FAM83D: variants seen among roughly 807,000 people sequenced by gnomAD.
FAM83D encodes protein FAM83D.
A neutral mutation model predicts 25.4 loss-of-function variants in FAM83D; 26 were observed. That is an observed-to-expected ratio of 1.02 (90% CI 0.75 to 1.42). The LOEUF (loss-of-function observed/expected upper bound fraction) is 1.42, where lower values mean the gene tolerates loss of function less well. Among genes scored for constraint, FAM83D ranks in the 40% most tolerant of loss-of-function variants. The probability of loss-of-function intolerance (pLI) is 0.00; values close to 1 mark genes in which losing one functional copy is unlikely to be tolerated. For synonymous variants in FAM83D, 310 were observed against 318.5 expected (o/e 0.97, Z 0.28); for missense variants, 740 against 758.1 (o/e 0.98, Z 0.28).
At chr20:38,943,381 G>T (rs540577370) in intron 2 of FAM83D, among the ~76,000 whole-genome samples, 1 of 152,244 alleles carries the variant, frequency 6.6e-6, no homozygotes, top group African/African-American at 2.4e-5. Flanking sequence ...CCCCTATCAG[G>T]TAAGTGGCAC....
At chr20:38,941,574 G>A (rs1267696708) in intron 1 of FAM83D, among the ~76,000 whole-genome samples, 2 of 152,238 alleles carry the variant, frequency 1.3e-5, no homozygotes, top group Admixed American at 1.3e-4. Context: ...AAAGATGACA[G>A]TGTGTTACCC....
chr20:38,931,503 G>T (rs1285996262), intron 1 of FAM83D, among the ~76,000 whole-genome samples: 1 of 152,210 alleles, frequency 6.6e-6, no homozygotes, highest in East Asian at 1.9e-4. Context: ...AATGCCACAT[G>T]AAGGGTCCCA....
At chr20:38,927,377 A>C (rs956745028) in intron 1 of FAM83D, among the ~76,000 whole-genome samples, 2 of 152,176 alleles carry the variant, frequency 1.3e-5, no homozygotes, top group Non-Finnish European at 1.5e-5. Context: ...GTCTCCAGAG[A>C]CAACTACGGG....
chr20:38,933,503 G>T (rs1337469167), intron 1 of FAM83D, among the ~76,000 whole-genome samples: 2 of 152,226 alleles, frequency 1.3e-5, no homozygotes, highest in Non-Finnish European at 2.9e-5. Context: ...CACTGGCCTA[G>T]AAGTTCTCAC....
At chr20:38,951,152 A>G (rs560888618) in intron 3 of FAM83D, among the ~76,000 whole-genome samples, 8 of 152,184 alleles carry the variant, frequency 5.3e-5, no homozygotes, top group Non-Finnish European at 1.2e-4. Flanking sequence ...ACTCTGAGGC[A>G]AGGACCAGGT....
chr20:38,926,997 G>C, intron 1 of FAM83D, 72 bp downstream of exon 1: 6 of 1,402,578 alleles, frequency 4.3e-6, no homozygotes, highest in Non-Finnish European at 5.5e-6. Context: ...GGCCTGCTGG[G>C]AGTACGGGCC....
chr20:38,948,974 G>A (rs2085741301), intron 3 of FAM83D, among the ~76,000 whole-genome samples: 1 of 152,120 alleles, frequency 6.6e-6, no homozygotes, highest in Admixed American at 6.5e-5. Flanking sequence ...AAAAAAATTT[G>A]TTTTTAACCT....
chr20:38,952,400 G>A lies in FAM83D; in HGVS notation c.1638G>A (p.Leu546=). The change falls in exon 4 of 4, where the codon CTG becomes CTA. Residue 546 remains leucine (L), a synonymous_variant. Transcript: ENST00000619850. ...AGIRSRLNHM[L]AMLSRRTLFT... is the part of the protein sequence containing the mutation. ...TCAGGTCCCGGCTCAACCACATGCTGGCTATGCTGTCAAGGAGAACACTCT... is the reference window on the plus strand; with the variant it reads ...TCAGGTCCCGGCTCAACCACATGCTAGCTATGCTGTCAAGGAGAACACTCT... 1 of 1,614,182 alleles carries A rather than the reference G, an allele frequency of 6.2e-7. No homozygotes were observed. Among genetic ancestry groups the A allele is most frequent in the Non-Finnish European group, 8.5e-7 (1 of 1,180,032 alleles).
At position 38,934,755 on chromosome 20, in the gene FAM83D, C is replaced by T. The variant is rs183138454; in HGVS notation, c.484-7204C>T. Among the ~76,000 whole-genome samples, 11 of 152,076 alleles carry T rather than the reference C, an allele frequency of 7.2e-5. No individual in the cohort carries two copies. In the East Asian group the frequency reaches 1.2e-3, roughly 16 times the overall value. ...GTTCATCATTGTGAATGAACCGATT[C>T]GTCTCTGCAGTGGAACATCCTGTAG... On this transcript the variant is annotated intron_variant, in intron 1 of 3. Transcript: ENST00000619850.
At chr20:38,934,447 C>G (rs1030436613) in intron 1 of FAM83D, among the ~76,000 whole-genome samples, 1 of 145,120 alleles carries the variant, frequency 6.9e-6, no homozygotes, top group African/African-American at 2.6e-5. Flanking sequence ...GAGCCAAGAT[C>G]GTGCCATTGC....
At chr20:38,936,649 G>A (rs377374277) in intron 1 of FAM83D, among the ~76,000 whole-genome samples, 7 of 152,166 alleles carry the variant, frequency 4.6e-5, no homozygotes, top group Admixed American at 3.3e-4. Context: ...AGATGGCTCC[G>A]GAGTCACAGA....
chr20:38,943,967 C>CA (rs1486630005), intron 2 of FAM83D, among the ~76,000 whole-genome samples: 2 of 152,250 alleles, frequency 1.3e-5, no homozygotes, highest in African/African-American at 4.8e-5. Flanking sequence ...GCTGGGATTA[C>CA]AGGCATAAGC....
At chr20:38,941,565 A>G (rs2085702085) in intron 1 of FAM83D, among the ~76,000 whole-genome samples, 1 of 152,258 alleles carries the variant, frequency 6.6e-6, no homozygotes, top group African/African-American at 2.4e-5. Flanking sequence ...CAACAAGCCA[A>G]AGATGACAGT....
chr20:38,932,421 G>T (rs2085662349), intron 1 of FAM83D, among the ~76,000 whole-genome samples: 1 of 152,186 alleles, frequency 6.6e-6, no homozygotes, highest in Non-Finnish European at 1.5e-5. Flanking sequence ...CGTATAGCAT[G>T]GCTTGAATAC....
At position 38,929,387 on chromosome 20, in the gene FAM83D, A is replaced by G. The variant is rs184379871; in HGVS notation, c.483+2462A>G. On this transcript the variant is annotated intron_variant, in intron 1 of 3. Transcript: ENST00000619850. ...CTGCAGGTACTGCGGAAAGGGCTAA[A>G]GAAAGAAAGTCTCCGGAGTGGCAGT... is the stretch of plus-strand genomic sequence containing the variant. 4.6e-5 allele frequency among the ~76,000 whole-genome samples: 7 copies of G among 152,244 alleles called. No homozygotes were observed. The East Asian group carries it at 1.4e-3, about 29-fold the overall frequency.
At position 38,932,338 on chromosome 20, in the gene FAM83D, A is replaced by T. The variant is rs1018042208; in HGVS notation, c.483+5413A>T. ...GAGTTGGAGGCTGTAGTAAGCTATG[A>T]TCATGCCAGTGCACTCCAGCTTGGG... is the stretch of plus-strand genomic sequence containing the variant. On this transcript the variant is annotated intron_variant, in intron 1 of 3. Transcript: ENST00000619850. 1.7e-4 allele frequency among the ~76,000 whole-genome samples: 26 copies of T among 152,336 alleles called. No homozygotes were observed. The East Asian group carries it at 2.3e-3, about 14-fold the overall frequency.
chr20:38,944,410 T>C (rs2085717169), intron 2 of FAM83D, among the ~76,000 whole-genome samples: 1 of 152,210 alleles, frequency 6.6e-6, no homozygotes, highest in African/African-American at 2.4e-5. Flanking sequence ...AAGAGCATTA[T>C]CAGCTAGCCA....
Position 38,943,851 on chromosome 20 carries a change from C to T in FAM83D, c.651+1725C>T, listed in dbSNP as rs190046145. 4.3e-4 allele frequency among the ~76,000 whole-genome samples: 66 copies of T among 152,178 alleles called. 1 individual carries two copies. In the East Asian group the frequency reaches 9.7e-3, roughly 22 times the overall value. ...GATTACAGGTGCCCACCACCACACC[C>T]GACTAATTTTTTGTATTTTTAATAG... On this transcript the variant is annotated intron_variant, in intron 2 of 3. Transcript: ENST00000619850.
chr20:38,938,766 A>G (rs1032249532), intron 1 of FAM83D, among the ~76,000 whole-genome samples: 2 of 151,674 alleles, frequency 1.3e-5, no homozygotes, highest in African/African-American at 2.4e-5. Flanking sequence ...TGCAACCCTC[A>G]TTGCTTCTGC....
Sources: allele counts gnomAD v4.1 joint callset (sites outside exome capture counted in the v4.1 genomes callset), GRCh38; gene constraint gnomAD v4.1.1; transcripts MANE v1.5; gene names NCBI Gene and HGNC (gene_info 2026-07-23, HGNC 2026-07-21).